SLCO4A1: variants seen among roughly 807,000 people sequenced by gnomAD.
SLCO4A1 encodes solute carrier organic anion transporter family member 4A1.
A neutral mutation model predicts 64.6 loss-of-function variants in SLCO4A1; 51 were observed. The ratio of observed to expected loss-of-function variants is 0.79; its 90% CI spans 0.63 to 1.00. The LOEUF is 1.00. SLCO4A1 is among the 50% of genes least tolerant of loss of function. The probability of loss-of-function intolerance (pLI) is 0.00; values close to 1 mark genes in which losing one functional copy is unlikely to be tolerated. For synonymous variants in SLCO4A1, 471 were observed against 444.9 expected (o/e 1.06, Z -0.74); for missense variants, 919 against 980.5 (o/e 0.94, Z 0.84).
chr20:62,678,059 T>C (rs1987672945), intron 2 of SLCO4A1, among the ~76,000 whole-genome samples: 1 of 152,128 alleles, frequency 6.6e-6, no homozygotes, highest in South Asian at 2.1e-4. Context: ...AGGCAAAGGT[T>C]GATGGAAGCT....
downstream of SLCO4A1, among the ~76,000 whole-genome samples, chr20:62,675,041 T>C (rs1353371515): frequency 6.6e-6 from 1 of 152,014 alleles, no homozygotes; most frequent in Non-Finnish European, 1.5e-5. Flanking sequence ...ACTGTCCCGC[T>C]CCATGCCCTG....
rs763922727 is a variant in SLCO4A1 at position 62,671,778 on chromosome 20, C to A, written c.2054C>A (p.Ala685Asp). 17 of 1,613,554 alleles carry A rather than the reference C, an allele frequency of 1.1e-5. No individual in the cohort carries two copies. The highest frequency in any genetic ancestry group is 5.1e-6 in the Non-Finnish European group (6 of 1,180,006). Reference protein sequence around the residue: ...KVLGVLFFAIACFLYKPLSES... With the variant: ...KVLGVLFFAIDCFLYKPLSES... ...CTGGGCGTCCTCTTCTTTGCCATAGCCTGCTTCTTATACAAGCCCCTGTCG... is the reference window on the plus strand; with the variant it reads ...CTGGGCGTCCTCTTCTTTGCCATAGACTGCTTCTTATACAAGCCCCTGTCG... The change falls in exon 12 of 12, where the codon GCC becomes GAC. Residue 685 changes from alanine (A) to aspartate (D), a missense_variant. Physicochemically the swap from Ala to Asp is moderately radical, Grantham distance 126. Coordinates refer to ENST00000217159, the MANE Select transcript of SLCO4A1 (RefSeq NM_016354.4).
chr20:62,680,480 G>A (rs938893841), intron 2 of SLCO4A1, among the ~76,000 whole-genome samples: 6 of 152,096 alleles, frequency 3.9e-5, no homozygotes. Flanking sequence ...GCCTCTCAAT[G>A]TGAAGTGTGA....
intron 7 of SLCO4A1, 85 bp from the exon 8 acceptor site, chr20:62,667,660 C>A: frequency 6.8e-7 from 1 of 1,469,866 alleles, no homozygotes; most frequent in Non-Finnish European, 9.2e-7. Flanking sequence ...TGCATGGGGA[C>A]GAGCCCCATG....
intron 6 of SLCO4A1, among the ~76,000 whole-genome samples, chr20:62,666,170 G>A (rs1293236627): frequency 8.1e-5 from 6 of 74,364 alleles, no homozygotes; most frequent in East Asian, 8.5e-4. Flanking sequence ...AGGCATCCCC[G>A]CTGTGGGCTC....
At chr20:62,652,090 C>T (rs1324236832) in intron 1 of SLCO4A1, 1 of 149,166 alleles carries the variant, frequency 6.7e-6, no homozygotes, top group Non-Finnish European at 1.5e-5. Context: ...CGTGCCAGCA[C>T]GTGCAGCTAG....
intron 7 of SLCO4A1, 66 bp from the exon 8 acceptor site, chr20:62,667,679 T>C: frequency 9.8e-6 from 15 of 1,538,002 alleles, no homozygotes; most frequent in Non-Finnish European, 1.2e-5. Flanking sequence ...TGGCTGACCC[T>C]GTGCCTGCTG....
chr20:62,643,793 G>A (rs1407829425), intron 1 of SLCO4A1, among the ~76,000 whole-genome samples: 2 of 152,216 alleles, frequency 1.3e-5, no homozygotes, highest in African/African-American at 2.4e-5. Context: ...TGACAGCAGG[G>A]GTTAGGTGTT....
intron 3 of SLCO4A1, among the ~76,000 whole-genome samples, chr20:62,659,377 A>T (rs2147082503): frequency 6.6e-6 from 1 of 152,064 alleles, no homozygotes; most frequent in East Asian, 1.9e-4. Flanking sequence ...TGAAGTTTCC[A>T]AGGTCCTCTG....
chr20:62,674,154 G>T (rs138608774), downstream of SLCO4A1, among the ~76,000 whole-genome samples: 584 of 152,334 alleles, frequency 3.8e-3, 13 homozygotes, highest in African/African-American at 0.014. Context: ...TACGTCCCGT[G>T]GTCCCAGTGA....
chr20:62,667,789 C>T lies in SLCO4A1; in HGVS notation c.1517C>T (p.Ala506Val). Residue 506 changes from alanine to valine, a missense_variant, in exon 8 of 12, where the codon GCT becomes GTT. By Grantham distance (64) the Ala-to-Val change is moderately conservative. Coordinates refer to ENST00000217159, the MANE Select transcript of SLCO4A1 (RefSeq NM_016354.4). ...GHLNLTAPCNAACSCQPEHYS... is the reference protein window; with the variant it reads ...GHLNLTAPCNVACSCQPEHYS... ...CTGAACCTAACGGCTCCCTGCAACGCTGCCTGCAGCTGCCAGCCAGAACAC... is the reference window on the plus strand; with the variant it reads ...CTGAACCTAACGGCTCCCTGCAACGTTGCCTGCAGCTGCCAGCCAGAACAC... 4 of 1,612,020 alleles carry T rather than the reference C, an allele frequency of 2.5e-6. No homozygotes were observed. The highest frequency in any genetic ancestry group is 3.4e-6 in the Non-Finnish European group (4 of 1,179,842).
At chr20:62,677,212 C>A (rs2427373), downstream of SLCO4A1, among the ~76,000 whole-genome samples, 46,939 of 152,034 alleles carry the variant, frequency 0.31, 7,341 homozygotes, top group Non-Finnish European at 0.33. Context: ...AGTTAGATAA[C>A]GGTGATGGTT....
intron 2 of SLCO4A1, among the ~76,000 whole-genome samples, chr20:62,684,389 A>G (rs1409730354): frequency 6.6e-6 from 1 of 152,220 alleles, no homozygotes; most frequent in Non-Finnish European, 1.5e-5. Context: ...AGGTGAGGAA[A>G]CCGAGGCACA....
At chr20:62,683,304 C>G (rs1470893161) in intron 2 of SLCO4A1, among the ~76,000 whole-genome samples, 1 of 152,118 alleles carries the variant, frequency 6.6e-6, no homozygotes, top group Non-Finnish European at 1.5e-5. Context: ...CGTGACGGAG[C>G]TCAGACCCAG....
intron 2 of SLCO4A1, among the ~76,000 whole-genome samples, chr20:62,683,770 T>G (rs556784274): frequency 1.3e-5 from 2 of 152,312 alleles, no homozygotes; most frequent in Admixed American, 1.3e-4. Context: ...CTCTGCGGTG[T>G]TCGCAACCAA....
chr20:62,656,578 G>A lies in SLCO4A1; in HGVS notation c.124G>A (p.Gly42Ser), dbSNP rs537302975. 1.6e-5 allele frequency: 26 copies of A among 1,589,832 alleles called. No individual in the cohort carries two copies. The highest frequency in any genetic ancestry group is 3.3e-4 in the Middle Eastern group (2 of 6,044). Residue 42 changes from glycine (G) to serine (S), a missense_variant, in exon 2 of 12, where the codon GGC becomes AGC. Coordinates refer to ENST00000217159, the MANE Select transcript of SLCO4A1 (RefSeq NM_016354.4). ...RASPGTPLSPGSLRSAAHSPL... is the reference protein window; with the variant it reads ...RASPGTPLSPSSLRSAAHSPL... ...ATCCCCGGGCACACCCCTGAGCCCC[G>A]GCTCCCTCCGCTCCGCTGCCCATAG... is the stretch of plus-strand genomic sequence containing the variant.
chr20:62,657,733 G>C (rs1000686541), intron 2 of SLCO4A1, among the ~76,000 whole-genome samples: 1 of 152,242 alleles, frequency 6.6e-6, no homozygotes, highest in African/African-American at 2.4e-5. Context: ...AGAGGTGGAG[G>C]GACAGAGCCC....
chr20:62,665,159 C>G, intron 6 of SLCO4A1, 71 bp downstream of exon 6: 1 of 1,516,726 alleles, frequency 6.6e-7, no homozygotes, highest in South Asian at 1.3e-5. Flanking sequence ...TCAAGGGCAT[C>G]TTCTAGAAAG....
chr20:62,671,721 C>A, intron 11 of SLCO4A1, 29 bp from the exon 12 acceptor site: 1 of 1,603,282 alleles, frequency 6.2e-7, no homozygotes, highest in African/African-American at 1.3e-5. Flanking sequence ...GAGCTCCCCA[C>A]GAGGTCCAGC....
Sources: gnomAD v4.1 joint callset for allele counts (sites outside exome capture counted in the v4.1 genomes callset) on GRCh38, gnomAD v4.1.1 for gene constraint, MANE v1.5 for transcripts, NCBI Gene and HGNC (gene_info 2026-07-23, HGNC 2026-07-21) for gene names.